WWOX: variants seen among roughly 807,000 people sequenced by gnomAD.
WWOX encodes WW domain-containing oxidoreductase.
WWOX carries 69 observed loss-of-function variants against 46.2 expected under a neutral mutation model. The ratio of observed to expected loss-of-function variants is 1.49; its 90% CI spans 1.23 to 1.82. The LOEUF (loss-of-function observed/expected upper bound fraction) is 1.82. WWOX is among the 40% of genes most tolerant of loss of function. The pLI is 0.00. For missense variants in WWOX, 919 were observed against 542.6 expected (o/e 1.69, Z -6.89); for synonymous variants, 359 against 202.6 (o/e 1.77, Z -6.56).
chr16:78,220,966 T>G (rs1406341987), intron 5 of WWOX, among the ~76,000 whole-genome samples: 5 of 152,226 alleles, frequency 3.3e-5, no homozygotes, highest in Admixed American at 3.3e-4. Context: ...ATTTAATTTT[T>G]TAACCATTTG....
intron 8 of WWOX, among the ~76,000 whole-genome samples, chr16:78,470,339 C>G (rs12598729): frequency 6.6e-6 from 1 of 152,128 alleles, no homozygotes; most frequent in Non-Finnish European, 1.5e-5. Flanking sequence ...ACATCTTTGC[C>G]TCACCTGATG....
chr16:78,799,609 C>T (rs1195420464), intron 8 of WWOX, among the ~76,000 whole-genome samples: 4 of 80,206 alleles, frequency 5.0e-5, no homozygotes, highest in African/African-American at 1.0e-4. Flanking sequence ...TGGCCAAGGT[C>T]ACATGGCTTT....
chr16:79,017,949 G>A (rs12932339), intron 8 of WWOX, among the ~76,000 whole-genome samples: 47,248 of 152,024 alleles, frequency 0.31, 8,719 homozygotes, highest in East Asian at 0.54. Context: ...AAAAGCAGGC[G>A]AAATAGAATA....
At chr16:78,654,964 C>A (rs527498686) in intron 8 of WWOX, among the ~76,000 whole-genome samples, 4 of 151,996 alleles carry the variant, frequency 2.6e-5, no homozygotes, top group African/African-American at 9.6e-5. Context: ...ATCTATGTGA[C>A]CACATTTAAA....
intron 5 of WWOX, among the ~76,000 whole-genome samples, chr16:78,348,498 C>T (rs747599313): frequency 8.3e-6 from 1 of 121,112 alleles, no homozygotes; most frequent in Non-Finnish European, 2.0e-5. Context: ...GTCTCTGTCG[C>T]TCAGGCTGGA....
intron 5 of WWOX, among the ~76,000 whole-genome samples, chr16:78,362,080 TTTC>T (rs2081421475): frequency 6.6e-6 from 1 of 152,126 alleles, no homozygotes; most frequent in South Asian, 2.1e-4. Flanking sequence ...GGGTGATTTT[TTTC>T]TTCTCACTAC....
At position 79,190,060 on chromosome 16, in the gene WWOX, C is replaced by G. The variant is rs1307011478; in HGVS notation, c.1057-21548C>G. Among the ~76,000 whole-genome samples, 4 of 152,074 alleles carry G rather than the reference C, an allele frequency of 2.6e-5. No homozygotes were observed. The East Asian group carries it at 7.7e-4, about 29-fold the overall frequency. On this transcript the variant is annotated intron_variant, in intron 8 of 8. Coordinates refer to ENST00000566780, the MANE Select transcript of WWOX (RefSeq NM_016373.4). ...TTATTATTATTTTTTGAGACAGAGT[C>G]TCACTGAGTCGCCCAGGGCGGCGGT...
chr16:78,527,109 G>A (rs538188200), intron 8 of WWOX, among the ~76,000 whole-genome samples: 1 of 152,192 alleles, frequency 6.6e-6, no homozygotes, highest in Admixed American at 6.5e-5. Context: ...GTTGTGGTGA[G>A]CCGAGATCAT....
At chr16:78,351,421 A>C (rs957738928) in intron 5 of WWOX, among the ~76,000 whole-genome samples, 1 of 152,310 alleles carries the variant, frequency 6.6e-6, no homozygotes, top group African/African-American at 2.4e-5. Flanking sequence ...AACTATGGCC[A>C]TGAAACCTTG....
rs541527577 is a variant in WWOX at position 78,729,378 on chromosome 16, A to G, written c.1056+296626A>G. Among the ~76,000 whole-genome samples, 22 of 152,024 alleles carry G rather than the reference A, an allele frequency of 1.4e-4. 1 individual carries two copies. In the East Asian group the frequency reaches 2.5e-3, roughly 17 times the overall value. On this transcript the variant is annotated intron_variant, in intron 8 of 8. Transcript: ENST00000566780. ...GTAAAAATAAAAATAAAATAAATAT[A>G]TATATGCATGCACATCCTAATTCCT...
At chr16:78,934,011 T>G (rs892246215) in intron 8 of WWOX, among the ~76,000 whole-genome samples, 1 of 151,752 alleles carries the variant, frequency 6.6e-6, no homozygotes, top group Non-Finnish European at 1.5e-5. Context: ...AGGCAACACA[T>G]AGAGACACCG....
intron 8 of WWOX, among the ~76,000 whole-genome samples, chr16:78,965,779 T>G (rs1179115582): frequency 6.6e-6 from 1 of 152,232 alleles, no homozygotes; most frequent in African/African-American, 2.4e-5. Flanking sequence ...TTCTCTGTCC[T>G]TCACTCAGTG....
intron 5 of WWOX, among the ~76,000 whole-genome samples, chr16:78,274,881 C>G (rs137951125): frequency 5.8e-4 from 88 of 152,302 alleles, no homozygotes; most frequent in African/African-American, 2.0e-3. Context: ...CACTGAGTCT[C>G]TACTGCTTGC....
At chr16:78,588,188 C>T (rs1470621832) in intron 8 of WWOX, among the ~76,000 whole-genome samples, 1 of 152,162 alleles carries the variant, frequency 6.6e-6, no homozygotes, top group African/African-American at 2.4e-5. Flanking sequence ...TGGGTGGCTC[C>T]ATTGCTCCAG....
intron 8 of WWOX, among the ~76,000 whole-genome samples, chr16:78,974,437 T>C (rs2046532139): frequency 6.6e-6 from 1 of 152,188 alleles, no homozygotes; most frequent in Non-Finnish European, 1.5e-5. Flanking sequence ...GGTAAATTGT[T>C]CAGCCTCAAG....
intron 8 of WWOX, among the ~76,000 whole-genome samples, chr16:78,677,459 G>T (rs1045051578): frequency 6.6e-6 from 1 of 152,170 alleles, no homozygotes; most frequent in African/African-American, 2.4e-5. Context: ...AAAAAATTCG[G>T]ATTTCCAGCT....
At chr16:78,867,136 G>A (rs139351608) in intron 8 of WWOX, among the ~76,000 whole-genome samples, 6 of 152,194 alleles carry the variant, frequency 3.9e-5, no homozygotes, top group African/African-American at 1.4e-4. Flanking sequence ...ATGAGAAGGG[G>A]TGGGTCAATG....
chr16:78,557,656 A>G (rs9923592), intron 8 of WWOX, among the ~76,000 whole-genome samples: 23,079 of 148,946 alleles, frequency 0.15, 1,890 homozygotes, highest in South Asian at 0.21. Flanking sequence ...TTGCCCGGAA[A>G]TGCGACACAT....
At chr16:79,041,364 C>A (rs760290282) in intron 8 of WWOX, among the ~76,000 whole-genome samples, 3 of 152,160 alleles carry the variant, frequency 2.0e-5, no homozygotes, top group African/African-American at 7.2e-5. Flanking sequence ...GCCTTCCTTG[C>A]TGGAATGCCC....
Sources: allele counts gnomAD v4.1 joint callset (sites outside exome capture counted in the v4.1 genomes callset), GRCh38; gene constraint gnomAD v4.1.1; transcripts MANE v1.5; gene names NCBI Gene and HGNC (gene_info 2026-07-23, HGNC 2026-07-21).